PRSS53: variants seen among roughly 807,000 people sequenced by gnomAD.
PRSS53 encodes the protein EDTP308.
In PRSS53, 54 loss-of-function variants were observed where a neutral mutation model predicts 62.7. The observed-to-expected ratio is 0.86, with a 90% CI of 0.69 to 1.08. PRSS53 has a LOEUF of 1.08. PRSS53 is among the 50% of genes least tolerant of loss of function. PRSS53 has a pLI of 0.00. For missense variants in PRSS53, 688 were observed against 728.3 expected (o/e 0.94, Z 0.64); for synonymous variants, 273 against 300.0 (o/e 0.91, Z 0.93).
At chr16:31,086,986 C>T in intron 3 of PRSS53, 88 bp from the exon 4 acceptor site, 1 of 1,372,012 alleles carries the variant, frequency 7.3e-7, no homozygotes, top group Non-Finnish European at 9.8e-7. Context: ...TGGAAGATAG[C>T]AGAGAGCACT....
intron 1 of PRSS53, chr16:31,088,209 G>A (rs1160451150): frequency 2.6e-6 from 3 of 1,171,922 alleles, no homozygotes; most frequent in Non-Finnish European, 3.2e-6. Context: ...CTAAGAGGAA[G>A]GATTAGAGGC....
intron 6 of PRSS53, 51 bp downstream of exon 6, chr16:31,085,913 A>C (rs370262173): frequency 5.4e-5 from 82 of 1,523,106 alleles, no homozygotes; most frequent in Non-Finnish European, 7.1e-5. Flanking sequence ...GTCCTAACTG[A>C]GGTTTGCTTC....
intron 1 of PRSS53, 125 bp from the exon 2 acceptor site, chr16:31,087,951 C>T: frequency 6.5e-7 from 1 of 1,548,352 alleles, no homozygotes; most frequent in Non-Finnish European, 8.7e-7. Flanking sequence ...CCTTACCAGC[C>T]CCTCCCAGAA....
chr16:31,083,867 T>TCCCGCCCC (rs2057197067), intron 10 of PRSS53, 58 bp from the exon 11 acceptor site: 1 of 1,323,428 alleles, frequency 7.6e-7, no homozygotes, highest in African/African-American at 1.4e-5. Context: ...GGTCCCTCCC[T>TCCCGCCCC]CCCTCCCCAT....
intron 3 of PRSS53, chr16:31,087,178 G>A (rs749490865): frequency 9.0e-5 from 47 of 521,850 alleles, no homozygotes; most frequent in Non-Finnish European, 1.5e-4. Flanking sequence ...TACAGTTTTT[G>A]TAGAGACATG....
At chr16:31,086,396 G>A in exon 5 of PRSS53, 1 of 1,614,148 alleles carries the variant, frequency 6.2e-7, no homozygotes, top group South Asian at 1.1e-5. Context: ...GGCCGGGCCG[G>A]GTTGGACAGG....
chr16:31,088,008 C>A, intron 1 of PRSS53, 182 bp from the exon 2 acceptor site: 1 of 1,494,614 alleles, frequency 6.7e-7, no homozygotes, highest in Non-Finnish European at 8.9e-7. Context: ...GGAACCTATT[C>A]AGTGTGCACA....
chr16:31,083,771 A>G, exon 11 of PRSS53: 1 of 1,614,104 alleles, frequency 6.2e-7, no homozygotes, highest in Non-Finnish European at 8.5e-7. Flanking sequence ...TCTTGTCCTG[A>G]GAATGGCCAG....
chr16:31,088,023 G>C, intron 1 of PRSS53, 197 bp from the exon 2 acceptor site: 2 of 1,470,450 alleles, frequency 1.4e-6, no homozygotes, highest in Non-Finnish European at 1.8e-6. Context: ...TGCACACTCA[G>C]TAATTAATTC....
At chr16:31,087,354 A>C (rs978507720) in intron 3 of PRSS53, 183 bp downstream of exon 3, 1 of 615,806 alleles carries the variant, frequency 1.6e-6, no homozygotes, top group Non-Finnish European at 2.9e-6. Flanking sequence ...CTGATTTGTA[A>C]ATCTTCTACC....
Position 31,085,905 on chromosome 16 carries a change from CCTAA to C in PRSS53, c.883+55_883+58del, listed in dbSNP as rs541394131. 221 of 1,496,862 alleles carry C rather than the reference CCTAA, an allele frequency of 1.5e-4. No individual in the cohort carries two copies. In the African/African-American group the frequency reaches 2.2e-3, roughly 15 times the overall value. The allele number at this position is 1,496,862 out of a possible 1,614,324, so 92.7% of individuals were successfully genotyped here. On this transcript the variant is annotated intron_variant, in intron 6 of 10. Coordinates refer to ENST00000280606, the Ensembl canonical transcript of PRSS53. ...TGGATGCCTATGCCAGTTCTCTAGT[CCTAA>C]CTGAGGTTTGCTTCACAGTGGCTTC...
At chr16:31,084,597 C>T (rs534087023) in exon 9 of PRSS53, 3 of 1,606,784 alleles carry the variant, frequency 1.9e-6, no homozygotes, top group South Asian at 2.2e-5. Flanking sequence ...TGGTACACAC[C>T]ATCCCCGGCA....
At chr16:31,088,495 A>G in intron 1 of PRSS53, 4 of 1,378,994 alleles carry the variant, frequency 2.9e-6, no homozygotes, top group Non-Finnish European at 3.8e-6. Context: ...GGCACAGGAC[A>G]CACGCAGGCA....
intron 1 of PRSS53, 91 bp from the exon 2 acceptor site, chr16:31,087,917 G>A (rs2143889997): frequency 6.4e-7 from 1 of 1,574,418 alleles, no homozygotes; most frequent in East Asian, 2.4e-5. Context: ...GCGGGCCCAG[G>A]GTCCTTGCCT....
intron 1 of PRSS53, chr16:31,088,422 GA>G: frequency 8.2e-7 from 1 of 1,214,678 alleles, no homozygotes; most frequent in Non-Finnish European, 1.0e-6. Flanking sequence ...AAAAGAAAGG[GA>G]AACTGAGGCC....
rs1009903098 is a variant in PRSS53 at position 31,087,292 on chromosome 16, C to G, written c.242+245G>C. 45 of 572,796 alleles carry G rather than the reference C, an allele frequency of 7.9e-5. No individual in the cohort carries two copies. The South Asian group carries it at 8.9e-4, about 11-fold the overall frequency. The allele number at this position is 572,796 out of a possible 1,614,324, so 35.5% of individuals were successfully genotyped here. On this transcript the variant is annotated intron_variant, in intron 3 of 10. Coordinates refer to ENST00000280606, the Ensembl canonical transcript of PRSS53. The stretch of plus-strand genomic sequence containing the variant: ...GATTACAAGCGTGAGCTACTGTGCC[C>G]GGCCTCAGTCTGTGACTTTAAGCGA...
chr16:31,083,759 T>A, exon 11 of PRSS53: 2 of 1,614,130 alleles, frequency 1.2e-6, no homozygotes, highest in Non-Finnish European at 1.7e-6. Context: ...CTGCCTGCAT[T>A]CTCTTGTCCT....
At chr16:31,087,568 A>G (rs1425315324) in exon 3 of PRSS53, 1 of 1,613,264 alleles carries the variant, frequency 6.2e-7, no homozygotes, top group Admixed American at 1.7e-5. Flanking sequence ...GTGAGGACCC[A>G]GGTGTCTGCC....
exon 6 of PRSS53, chr16:31,086,005 C>T (rs766702602): frequency 6.2e-7 from 1 of 1,614,116 alleles, no homozygotes; most frequent in South Asian, 1.1e-5. Flanking sequence ...GGTCTCTGGG[C>T]TCTGGGCCAG....
Sources: gnomAD v4.1 joint callset for allele counts on GRCh38, gnomAD v4.1.1 for gene constraint, MANE v1.5 for transcripts, NCBI Gene and HGNC (gene_info 2026-07-23, HGNC 2026-07-21) for gene names.